MCU: variants seen among roughly 807,000 people sequenced by gnomAD.
MCU encodes mitochondrial calcium uniporter, also known as calcium uniporter protein, mitochondrial.
In MCU, 12 loss-of-function variants were observed where a neutral mutation model predicts 45.2. That is an observed-to-expected ratio of 0.27 (90% CI 0.17 to 0.43). The LOEUF (loss-of-function observed/expected upper bound fraction) is 0.43. Ranked by LOEUF, MCU falls within the 20% of genes least tolerant of loss-of-function variation. The pLI, the probability that MCU is intolerant of heterozygous loss-of-function variation, is 1.00. For synonymous variants in MCU, 160 were observed against 165.1 expected (o/e 0.97, Z 0.24); for missense variants, 324 against 436.7 (o/e 0.74, Z 2.30).
In MCU at chr10:72,692,248, T is replaced by G. The variant is rs1320407832; in HGVS notation, c.97T>G (p.Cys33Gly). ...AGGCGALTAG[C>G]FPGLGVSRHR... Reference sequence around the variant, plus strand: ...CGGCTGCGGGGCGCTGACTGCCGGCTGCTTCCCTGGGCTGGGCGTCAGCCG... The same window carrying G: ...CGGCTGCGGGGCGCTGACTGCCGGCGGCTTCCCTGGGCTGGGCGTCAGCCG... The change falls in exon 1 of 8, where the codon TGC (cysteine) becomes GGC (glycine). Residue 33 changes from cysteine to glycine, a missense_variant. Cys to Gly is a radical substitution (Grantham distance 159). Around this residue, in one of 4 missense-constraint regions of MCU, gnomAD observed 111 missense variants for 112.3 expected, o/e 0.99. Transcript: ENST00000373053. 1.6e-6 allele frequency: 2 copies of G among 1,237,956 alleles called. No homozygotes were observed. Among genetic ancestry groups the G allele is most frequent in the Non-Finnish European group, 2.0e-6 (2 of 986,830 alleles). The allele number at this position is 1,237,956 out of a possible 1,614,324, so 76.7% of individuals were successfully genotyped here.
chr10:72,848,750 C>T (rs1267274863), intron 2 of MCU, among the ~76,000 whole-genome samples: 1 of 150,556 alleles, frequency 6.6e-6, no homozygotes, highest in Non-Finnish European at 1.5e-5. Context: ...GTGTGTCTGC[C>T]TGTGCGTGTG....
intron 6 of MCU, among the ~76,000 whole-genome samples, chr10:72,882,005 A>G (rs1465535012): frequency 2.6e-5 from 4 of 152,220 alleles, no homozygotes; most frequent in Non-Finnish European, 5.9e-5. Context: ...TGGCAGAAGA[A>G]CGTGGATTGT....
rs149746030 is a variant in MCU, at chr10:72,870,878, A to G, written c.658-499A>G. Among the ~76,000 whole-genome samples the G allele has an allele frequency of 6.4e-4, 97 of 152,298 alleles. 2 individuals are homozygous for G. In the East Asian group the frequency reaches 0.017, roughly 26 times the overall value. On this transcript the variant is annotated intron_variant, in intron 5 of 7. Transcript: ENST00000373053. ...CCACTTCTAGGTTGAAACATAAAAT[A>G]CAAATGCCCTGAATAGTAGTTGTAT... is the stretch of plus-strand genomic sequence containing the variant.
chr10:72,784,046 C>T (rs1844035480), intron 1 of MCU, among the ~76,000 whole-genome samples: 1 of 152,288 alleles, frequency 6.6e-6, no homozygotes, highest in Non-Finnish European at 1.5e-5. Flanking sequence ...CTGCTTGATC[C>T]AAGTGAAGCC....
At chr10:72,709,383 T>G (rs1284420501) in intron 1 of MCU, among the ~76,000 whole-genome samples, 1 of 152,240 alleles carries the variant, frequency 6.6e-6, no homozygotes, top group African/African-American at 2.4e-5. Flanking sequence ...TTGAGTAGAA[T>G]GGAACAAATA....
At chr10:72,693,801 CAT>C (rs1269152695) in intron 1 of MCU, among the ~76,000 whole-genome samples, 1 of 152,202 alleles carries the variant, frequency 6.6e-6, no homozygotes, top group Non-Finnish European at 1.5e-5. Context: ...CTCTTAAAAA[CAT>C]AAGGCCACCC....
chr10:72,727,817 G>T (rs1338822717), intron 1 of MCU, among the ~76,000 whole-genome samples: 1 of 151,878 alleles, frequency 6.6e-6, no homozygotes, highest in Non-Finnish European at 1.5e-5. Context: ...GAAAATATCA[G>T]TAAGAATCTG....
chr10:72,746,259 G>T (rs750914388), intron 1 of MCU, among the ~76,000 whole-genome samples: 1 of 152,110 alleles, frequency 6.6e-6, no homozygotes, highest in African/African-American at 2.4e-5. Flanking sequence ...AAAAGAAAAG[G>T]CCTCCATAAA....
chr10:72,731,782 T>A (rs2132685536), intron 1 of MCU, among the ~76,000 whole-genome samples: 1 of 152,318 alleles, frequency 6.6e-6, no homozygotes, highest in South Asian at 2.1e-4. Flanking sequence ...TTGTAGGATG[T>A]TTTGACATTT....
chr10:72,830,370 G>A (rs1844861727), intron 1 of MCU, among the ~76,000 whole-genome samples: 1 of 152,152 alleles, frequency 6.6e-6, no homozygotes, highest in Non-Finnish European at 1.5e-5. Flanking sequence ...GATAATTTAT[G>A]AACTCATAGA....
intron 1 of MCU, among the ~76,000 whole-genome samples, chr10:72,763,425 A>G (rs1843682632): frequency 6.6e-6 from 1 of 152,090 alleles, no homozygotes; most frequent in Non-Finnish European, 1.5e-5. Flanking sequence ...CTGGGTGTCA[A>G]ATGAGTGAGG....
In MCU at chr10:72,726,258, T is replaced by C. The variant is rs978281475; in HGVS notation, c.150+33957T>C. 2.4e-4 allele frequency among the ~76,000 whole-genome samples: 24 copies of C among 100,320 alleles called. No individual in the cohort carries two copies. In the East Asian group the frequency reaches 4.2e-3, roughly 17 times the overall value. The allele number at this position is 100,320 out of a possible 152,430, so 65.8% of individuals were successfully genotyped here. On this transcript the variant is annotated intron_variant, in intron 1 of 7. Coordinates refer to ENST00000373053, the MANE Select transcript of MCU (RefSeq NM_138357.3). ...CATACTTCAGGCACACACACACACGTGTGTGTGTGTGTGTGTGTGTGTGTG... is the reference window on the plus strand; with the variant it reads ...CATACTTCAGGCACACACACACACGCGTGTGTGTGTGTGTGTGTGTGTGTG...
At chr10:72,837,401 G>A (rs1410057595) in intron 2 of MCU, among the ~76,000 whole-genome samples, 1 of 152,246 alleles carries the variant, frequency 6.6e-6, no homozygotes, top group African/African-American at 2.4e-5. Flanking sequence ...TAAATGTTTA[G>A]AGTGTAAGCT....
chr10:72,740,376 T>TC (rs1843310459), intron 1 of MCU, among the ~76,000 whole-genome samples: 1 of 135,158 alleles, frequency 7.4e-6, no homozygotes, highest in African/African-American at 3.0e-5. Context: ...AGACTCTGTC[T>TC]CAAAAAAAAA....
chr10:72,817,344 A>G (rs1004465355), intron 1 of MCU, among the ~76,000 whole-genome samples: 1 of 152,080 alleles, frequency 6.6e-6, no homozygotes, highest in Admixed American at 6.5e-5. Context: ...CAGAGTGCCA[A>G]TTTTACTTTA....
rs761924633 is a variant in MCU, at chr10:72,692,175, G to C, written c.24G>C (p.Ser8=). Residue 8 remains serine (S), a synonymous_variant, in exon 1 of 8, where the codon TCG becomes TCC. Coordinates refer to ENST00000373053, the MANE Select transcript of MCU (RefSeq NM_138357.3). Reference sequence around the variant, plus strand: ...AGATGGCGGCCGCCGCAGGTAGATCGCTCCTGCTGCTCCTCTCCTCTCGGG... The same window carrying C: ...AGATGGCGGCCGCCGCAGGTAGATCCCTCCTGCTGCTCCTCTCCTCTCGGG... The part of the protein sequence containing the change: MAAAAGR[S]LLLLLSSRGG... 1.0e-5 allele frequency: 13 copies of C among 1,282,708 alleles called. No individual in the cohort carries two copies. The highest frequency in any genetic ancestry group is 3.7e-5 in the South Asian group (1 of 27,360). 79.5% of individuals were successfully genotyped at this position (1,282,708 alleles called of 1,614,324 possible).
intron 1 of MCU, among the ~76,000 whole-genome samples, chr10:72,712,633 C>T (rs1192140131): frequency 6.6e-6 from 1 of 151,992 alleles, no homozygotes; most frequent in Non-Finnish European, 1.5e-5. Flanking sequence ...TTTTATGGGG[C>T]AAGCAAAAGA....
intron 1 of MCU, among the ~76,000 whole-genome samples, chr10:72,723,718 T>G (rs887696550): frequency 1.3e-5 from 2 of 152,228 alleles, no homozygotes; most frequent in African/African-American, 4.8e-5. Context: ...TATCAGTATT[T>G]GTGCTTGCAA....
At position 72,824,873 on chromosome 10, in the gene MCU, G is replaced by A. The variant is rs115457999; in HGVS notation, c.151-9486G>A. Among the ~76,000 whole-genome samples the A allele has an allele frequency of 5.7e-3, 869 of 152,270 alleles. 8 individuals are homozygous for A. Among genetic ancestry groups the A allele is most frequent in the African/African-American group, 0.02 (815 of 41,548 alleles). On this transcript the variant is annotated intron_variant, in intron 1 of 7. Transcript: ENST00000373053. ...AGAGCAAAAATGAAAATCACACAAAGCATACTTCTTGATTTGAAATTGTTT... is the reference window on the plus strand; with the variant it reads ...AGAGCAAAAATGAAAATCACACAAAACATACTTCTTGATTTGAAATTGTTT...
Sources: allele counts gnomAD v4.1 joint callset (sites outside exome capture counted in the v4.1 genomes callset), GRCh38; gene constraint gnomAD v4.1.1; regional missense constraint gnomAD v4.1.1; transcripts MANE v1.5; gene names NCBI Gene and HGNC (gene_info 2026-07-23, HGNC 2026-07-21).